SULT1C3: variants seen among roughly 807,000 people sequenced by gnomAD.
The protein encoded by SULT1C3 is sulfotransferase 1C3.
A neutral mutation model predicts 28.4 loss-of-function variants in SULT1C3; 31 were observed. That is an observed-to-expected ratio of 1.09 (90% CI 0.82 to 1.47). The LOEUF is 1.47. Ranked by LOEUF, SULT1C3 falls within the 40% of genes most tolerant of loss-of-function variation. SULT1C3 has a pLI of 0.00. For synonymous variants in SULT1C3, 106 were observed against 92.2 expected (o/e 1.15, Z -0.86); for missense variants, 307 against 272.5 (o/e 1.13, Z -0.89).
At chr2:108,244,900 A>C (rs1428277178) in intron 1 of SULT1C3, among the ~76,000 whole-genome samples, 5 of 152,174 alleles carry the variant, frequency 3.3e-5, no homozygotes, top group Non-Finnish European at 5.9e-5. Flanking sequence ...CAAAGGCCAC[A>C]CTCTTGTGCA....
intron 4 of SULT1C3, 21 bp downstream of exon 4, chr2:108,253,463 A>G: frequency 1.5e-6 from 2 of 1,326,932 alleles, no homozygotes; most frequent in Non-Finnish European, 2.0e-6. Flanking sequence ...GGGGCTTTTC[A>G]AACTTCTCTT....
intron 1 of SULT1C3, 143 bp from the exon 2 acceptor site, chr2:108,247,045 G>C (rs867296948): frequency 7.7e-6 from 4 of 517,022 alleles, no homozygotes; most frequent in Non-Finnish European, 1.2e-5. Flanking sequence ...AATGTACATA[G>C]AGTAAGTTGT....
chr2:108,264,387 G>A (rs1676085570), downstream of SULT1C3, among the ~76,000 whole-genome samples: 1 of 152,074 alleles, frequency 6.6e-6, no homozygotes. Flanking sequence ...AAGTTCATAG[G>A]TTCTTTTTGC....
chr2:108,248,061 G>A (rs1252962454), intron 2 of SULT1C3, among the ~76,000 whole-genome samples: 1 of 152,110 alleles, frequency 6.6e-6, no homozygotes, highest in Non-Finnish European at 1.5e-5. Flanking sequence ...TCTTTTTGAA[G>A]GAGTAAGTGA....
At chr2:108,247,537 T>G (rs1675618650) in intron 2 of SULT1C3, among the ~76,000 whole-genome samples, 171 bp downstream of exon 2, 1 of 152,150 alleles carries the variant, frequency 6.6e-6, no homozygotes, top group African/African-American at 2.4e-5. Flanking sequence ...AGGACAACAA[T>G]TTCCAATAGC....
rs922186549 is a variant in SULT1C3, at chr2:108,242,343, A to T, written c.-8+2260A>T. Among the ~76,000 whole-genome samples, 10 of 152,188 alleles carry T rather than the reference A, an allele frequency of 6.6e-5. 1 individual carries two copies. The highest frequency in any genetic ancestry group is 2.4e-4 in the African/African-American group (10 of 41,456). ...GACAGAAGATTCAGCACTTGTTAAG[A>T]TTTTTCATTTGCCAGTTTTTTAATT... On this transcript the variant is annotated intron_variant, in intron 1 of 7. Transcript: ENST00000681802.
At chr2:108,259,507 G>C (rs1025652921) in intron 7 of SULT1C3, among the ~76,000 whole-genome samples, 1 of 152,062 alleles carries the variant, frequency 6.6e-6, no homozygotes, top group South Asian at 2.1e-4. Flanking sequence ...CCCTTTGAAG[G>C]CTTGTGCATC....
chr2:108,253,083 C>A (rs906993140), intron 3 of SULT1C3, among the ~76,000 whole-genome samples: 1 of 151,890 alleles, frequency 6.6e-6, no homozygotes, highest in Non-Finnish European at 1.5e-5. Flanking sequence ...AGATATATAA[C>A]AAACATTCCC....
chr2:108,264,865 A>G, downstream of SULT1C3: 2 of 1,613,136 alleles, frequency 1.2e-6, no homozygotes, highest in South Asian at 1.1e-5. Context: ...AAGTTCCTGG[A>G]AAAAGACATA....
chr2:108,256,990 T>C (rs1347269828), intron 5 of SULT1C3, among the ~76,000 whole-genome samples: 1 of 152,064 alleles, frequency 6.6e-6, no homozygotes, highest in Non-Finnish European at 1.5e-5. Flanking sequence ...AAGCTTCTTT[T>C]CTTATATGAT....
intron 7 of SULT1C3, 109 bp from the exon 8 acceptor site, chr2:108,260,459 A>T (rs1227567102): frequency 8.5e-6 from 3 of 353,728 alleles, no homozygotes; most frequent in African/African-American, 6.3e-5. Flanking sequence ...GGACTGAGGG[A>T]CCCTCACTCA....
intron 3 of SULT1C3, 114 bp from the exon 4 acceptor site, chr2:108,253,231 T>G: frequency 1.8e-6 from 1 of 568,556 alleles, no homozygotes; most frequent in Non-Finnish European, 2.7e-6. Context: ...AATTACTATT[T>G]CCAATGGATA....
At chr2:108,257,391 A>G (rs1289197939) in intron 5 of SULT1C3, among the ~76,000 whole-genome samples, 1 of 152,170 alleles carries the variant, frequency 6.6e-6, no homozygotes, top group East Asian at 1.9e-4. Context: ...ATATATGTAC[A>G]TTTATCTATA....
At chr2:108,257,972 G>T (rs1675919373) in intron 5 of SULT1C3, among the ~76,000 whole-genome samples, 1 of 152,036 alleles carries the variant, frequency 6.6e-6, no homozygotes, top group Admixed American at 6.6e-5. Flanking sequence ...TGATTCAAAA[G>T]AGAGCATTTC....
chr2:108,263,890 A>G (rs976443468), downstream of SULT1C3, among the ~76,000 whole-genome samples: 1 of 152,246 alleles, frequency 6.6e-6, no homozygotes, highest in African/African-American at 2.4e-5. Flanking sequence ...CACATGCTTT[A>G]TAGTTGAATG....
intron 2 of SULT1C3, among the ~76,000 whole-genome samples, chr2:108,248,090 ATTGT>A (rs2104384927): frequency 6.6e-6 from 1 of 152,304 alleles, no homozygotes; most frequent in East Asian, 1.9e-4. Context: ...TATTCCCAGA[ATTGT>A]TTGTTTGTAT....
At chr2:108,258,150 G>T (rs548378698) in intron 5 of SULT1C3, among the ~76,000 whole-genome samples, 1 of 152,190 alleles carries the variant, frequency 6.6e-6, no homozygotes, top group African/African-American at 2.4e-5. Flanking sequence ...CCAGGAAGCT[G>T]CCAGAAGTTA....
intron 5 of SULT1C3, among the ~76,000 whole-genome samples, chr2:108,256,906 A>C (rs1675880100): frequency 6.6e-6 from 1 of 152,086 alleles, no homozygotes; most frequent in Non-Finnish European, 1.5e-5. Context: ...CTCCAGGTGA[A>C]TAGATTTCCA....
At chr2:108,248,136 A>G (rs555518239) in intron 2 of SULT1C3, among the ~76,000 whole-genome samples, 18 of 152,192 alleles carry the variant, frequency 1.2e-4, no homozygotes, top group Non-Finnish European at 2.2e-4. Context: ...CACACATAAT[A>G]ACAAAAAAAT....
Sources: allele counts gnomAD v4.1 joint callset (sites outside exome capture counted in the v4.1 genomes callset), GRCh38; gene constraint gnomAD v4.1.1; transcripts MANE v1.5; gene names NCBI Gene and HGNC (gene_info 2026-07-23, HGNC 2026-07-21).